The following ZNF730 variants were observed in gnomAD, a reference collection of about 807,000 sequenced individuals.
ZNF730 encodes the protein putative zinc finger protein 730.
A neutral mutation model predicts 12.6 loss-of-function variants in ZNF730; 12 were observed. The ratio of observed to expected loss-of-function variants is 0.95; its 90% CI spans 0.61 to 1.54. The LOEUF is 1.54. ZNF730 is among the 40% of genes most tolerant of loss of function. The probability of loss-of-function intolerance (pLI) is 0.00; values close to 1 mark genes in which losing one functional copy is unlikely to be tolerated. For synonymous variants in ZNF730, 194 were observed against 195.8 expected (o/e 0.99, Z 0.08); for missense variants, 643 against 583.5 (o/e 1.10, Z -1.05).
chr19:23,115,588 C>T (rs974276016), upstream of ZNF730, among the ~76,000 whole-genome samples: 71 of 152,194 alleles, frequency 4.7e-4, no homozygotes, highest in African/African-American at 1.7e-3. Context: ...GAATGCTGCC[C>T]TCTCCATGAA....
intron 1 of ZNF730, among the ~76,000 whole-genome samples, chr19:23,076,368 T>C (rs1185779560): frequency 6.6e-6 from 1 of 152,220 alleles, no homozygotes; most frequent in Non-Finnish European, 1.5e-5. Flanking sequence ...AAAAATTATC[T>C]CTGCCTCTCC....
At chr19:23,107,855 G>C (rs1970414074) in intron 1 of ZNF730, among the ~76,000 whole-genome samples, 1 of 152,074 alleles carries the variant, frequency 6.6e-6, no homozygotes, top group African/African-American at 2.4e-5. Flanking sequence ...TGAAACTGTA[G>C]GTCTTTTTAT....
At chr19:23,085,415 C>T (rs1970041754) in intron 1 of ZNF730, among the ~76,000 whole-genome samples, 1 of 142,944 alleles carries the variant, frequency 7.0e-6, no homozygotes, top group African/African-American at 2.6e-5. Flanking sequence ...TCAGGCTGTT[C>T]TCGAACTCCT....
chr19:23,122,633 A>G (rs1346031568), intron 1 of ZNF730, among the ~76,000 whole-genome samples: 1 of 152,252 alleles, frequency 6.6e-6, no homozygotes, highest in Non-Finnish European at 1.5e-5. Flanking sequence ...AGTTCAGTTT[A>G]TTCACTAAAT....
chr19:23,145,058 ATT>A (rs1970982487), intron 3 of ZNF730, among the ~76,000 whole-genome samples: 1 of 152,182 alleles, frequency 6.6e-6, no homozygotes, highest in Non-Finnish European at 1.5e-5. Flanking sequence ...AGCTCTTTGC[ATT>A]GTGTTCACCT....
intron 2 of ZNF730, 98 bp from the exon 3 acceptor site, chr19:23,135,850 T>G: frequency 8.5e-7 from 1 of 1,179,108 alleles, no homozygotes; most frequent in Non-Finnish European, 1.2e-6. Flanking sequence ...TTGGGGTTAA[T>G]TTACTAGAAT....
chr19:23,096,334 C>T (rs1416963896), intron 1 of ZNF730, among the ~76,000 whole-genome samples: 1 of 152,198 alleles, frequency 6.6e-6, no homozygotes, highest in Admixed American at 6.5e-5. Context: ...CTGGGACCTG[C>T]ATACATTGCT....
chr19:23,109,289 G>T (rs1970432758), intron 1 of ZNF730, among the ~76,000 whole-genome samples: 1 of 151,884 alleles, frequency 6.6e-6, no homozygotes, highest in African/African-American at 2.4e-5. Context: ...GAGTGCAGTG[G>T]TGCAATCTTG....
intron 1 of ZNF730, among the ~76,000 whole-genome samples, chr19:23,110,674 A>G (rs1970451344): frequency 6.6e-6 from 1 of 152,174 alleles, no homozygotes; most frequent in Non-Finnish European, 1.5e-5. Flanking sequence ...TGTAAAATAT[A>G]GTGTCTTTAA....
intron 1 of ZNF730, among the ~76,000 whole-genome samples, chr19:23,125,320 G>A (rs1302934152): frequency 2.0e-5 from 3 of 152,178 alleles, no homozygotes; most frequent in Non-Finnish European, 4.4e-5. Flanking sequence ...CTGGGCAACA[G>A]GCAGAGGTTG....
intron 1 of ZNF730, among the ~76,000 whole-genome samples, chr19:23,103,619 A>C (rs1970359747): frequency 6.6e-6 from 1 of 152,156 alleles, no homozygotes; most frequent in East Asian, 1.9e-4. Flanking sequence ...GGGTCCCTGG[A>C]GTATCTAAAA....
chr19:23,128,281 G>T, intron 1 of ZNF730: 1 of 688,402 alleles, frequency 1.5e-6, no homozygotes, highest in South Asian at 1.4e-5. Context: ...CCAGAATGTT[G>T]CAGATTACAT....
At chr19:23,119,992 CTT>C (rs539722897) in intron 1 of ZNF730, among the ~76,000 whole-genome samples, 4 of 132,562 alleles carry the variant, frequency 3.0e-5, no homozygotes, top group Admixed American at 7.6e-5. Flanking sequence ...CACTTTCTTT[CTT>C]TTTTTTTTTT....
chr19:23,078,651 C>A (rs1969909506), intron 1 of ZNF730, among the ~76,000 whole-genome samples: 1 of 152,146 alleles, frequency 6.6e-6, no homozygotes, highest in Non-Finnish European at 1.5e-5. Context: ...GAGCGCCGCC[C>A]CTGGGCCCAC....
At chr19:23,144,527 C>A (rs898020027) in intron 3 of ZNF730, among the ~76,000 whole-genome samples, 1 of 151,700 alleles carries the variant, frequency 6.6e-6, no homozygotes, top group Non-Finnish European at 1.5e-5. Flanking sequence ...GGTGAAATCC[C>A]ATCTCTACTA....
chr19:23,144,249 C>T (rs1970969915), intron 3 of ZNF730: 1 of 151,998 alleles, frequency 6.6e-6, no homozygotes, highest in African/African-American at 2.4e-5. Flanking sequence ...TTAAAAAAAT[C>T]TACCTGTCAC....
rs77177514 is a variant in ZNF730, at chr19:23,145,422, C to T, written c.378C>T (p.His126=). Reference sequence around the variant, plus strand: ...AAAATGTGGATGAGTTTAAGATGCACAAAAAAGGTTATAATAGACATAACC... The same window carrying T: ...AAAATGTGGATGAGTTTAAGATGCATAAAAAAGGTTATAATAGACATAACC... ...GCKNVDEFKM[H]KKGYNRHNQC... is the part of the protein sequence containing the mutation. Residue 126 remains histidine (H), a synonymous_variant, in exon 4 of 4, where the codon CAC becomes CAT. Transcript: ENST00000597761. 2.2e-3 allele frequency: 3,542 copies of T among 1,582,438 alleles called. 111 individuals are homozygous for T. The South Asian group carries it at 0.037, about 17-fold the overall frequency.
At chr19:23,084,190 T>A (rs1970016607) in intron 1 of ZNF730, among the ~76,000 whole-genome samples, 1 of 152,186 alleles carries the variant, frequency 6.6e-6, no homozygotes, top group African/African-American at 2.4e-5. Flanking sequence ...TTCCCCAAAG[T>A]GTGTTCTCAA....
chr19:23,098,001 G>A (rs1314581405), intron 1 of ZNF730, among the ~76,000 whole-genome samples: 10 of 152,142 alleles, frequency 6.6e-5, no homozygotes, highest in South Asian at 2.1e-4. Flanking sequence ...AAAAATAGCC[G>A]GGTATGATAG....
Sources: gnomAD v4.1 joint callset for allele counts (sites outside exome capture counted in the v4.1 genomes callset) on GRCh38, gnomAD v4.1.1 for gene constraint, MANE v1.5 for transcripts, NCBI Gene and HGNC (gene_info 2026-07-23, HGNC 2026-07-21) for gene names.